The following IQCH variants were observed in gnomAD, a reference collection of about 807,000 sequenced individuals.
The protein encoded by IQCH is IQ motif containing H, also known as IQ domain-containing protein H.
IQCH carries 98 observed loss-of-function variants against 117.0 expected under a neutral mutation model. The observed-to-expected ratio is 0.84, with a 90% confidence interval of 0.71 to 0.99. IQCH has a LOEUF of 0.99. Among genes scored for constraint, IQCH ranks in the 50% least tolerant of loss-of-function variants. The probability of loss-of-function intolerance (pLI) is 0.00; values close to 1 mark genes in which losing one functional copy is unlikely to be tolerated. For synonymous variants in IQCH, 412 were observed against 448.2 expected (o/e 0.92, Z 1.02); for missense variants, 1,102 against 1,243.8 (o/e 0.89, Z 1.72).
chr15:67,367,126 G>A (rs1300019485), intron 8 of IQCH, among the ~76,000 whole-genome samples: 1 of 152,190 alleles, frequency 6.6e-6, no homozygotes, highest in Non-Finnish European at 1.5e-5. Flanking sequence ...GGCCACAGAG[G>A]AAGGTGGTAA....
intron 4 of IQCH, among the ~76,000 whole-genome samples, chr15:67,312,669 A>G (rs1056021578): frequency 2.6e-5 from 4 of 152,174 alleles, no homozygotes; most frequent in African/African-American, 9.6e-5. Flanking sequence ...AAGGAGGAAA[A>G]TAGAGCAGCT....
At chr15:67,285,904 G>A (rs528313109) in intron 4 of IQCH, among the ~76,000 whole-genome samples, 2 of 152,258 alleles carry the variant, frequency 1.3e-5, no homozygotes, top group East Asian at 3.9e-4. Context: ...GCTCAGGATA[G>A]CTTTGGCTAT....
At chr15:67,345,622 G>A (rs1969353840) in intron 6 of IQCH, among the ~76,000 whole-genome samples, 1 of 152,018 alleles carries the variant, frequency 6.6e-6, no homozygotes, top group Non-Finnish European at 1.5e-5. Flanking sequence ...CAAATTTCAG[G>A]CATTCTACAA....
intron 14 of IQCH, among the ~76,000 whole-genome samples, chr15:67,412,310 C>A (rs994067911): frequency 6.6e-6 from 1 of 152,184 alleles, no homozygotes; most frequent in African/African-American, 2.4e-5. Flanking sequence ...CTCTCTGAAA[C>A]ACTGATGTGG....
chr15:67,464,405 T>C (rs1378145037), intron 16 of IQCH, among the ~76,000 whole-genome samples: 11 of 152,264 alleles, frequency 7.2e-5, no homozygotes, highest in Admixed American at 7.2e-4. Flanking sequence ...CTCAGTTACC[T>C]AGCAGTTGAC....
At chr15:67,480,826 G>A (rs1365787142) in intron 18 of IQCH, among the ~76,000 whole-genome samples, 3 of 152,210 alleles carry the variant, frequency 2.0e-5, no homozygotes, top group East Asian at 3.9e-4. Context: ...AGCTCTAGGA[G>A]AAACAGTTGG....
At chr15:67,355,365 T>A (rs979204253) in intron 6 of IQCH, among the ~76,000 whole-genome samples, 2 of 151,900 alleles carry the variant, frequency 1.3e-5, no homozygotes, top group African/African-American at 4.8e-5. Flanking sequence ...GGTGGGTGGA[T>A]CACGAGATCA....
chr15:67,268,799 G>C (rs552461723), intron 3 of IQCH, among the ~76,000 whole-genome samples: 2 of 152,040 alleles, frequency 1.3e-5, no homozygotes, highest in Non-Finnish European at 2.9e-5. Context: ...AGAGGAGAGA[G>C]GGAGAAAGCA....
chr15:67,299,760 G>C (rs12148134), intron 4 of IQCH, among the ~76,000 whole-genome samples: 30,252 of 151,982 alleles, frequency 0.2, 3,779 homozygotes, highest in East Asian at 0.39. Flanking sequence ...CTGGAAGCTT[G>C]ATTGTATTCA....
Position 67,473,573 on chromosome 15 carries a change from CTT to C in IQCH, c.2677-2122_2677-2121del, listed in dbSNP as rs1284308358. ...TTAAATTACATACTTTGAAGAGTCT[CTT>C]AAGTCAGAGGGAAGAGCTATCCACC... is the stretch of plus-strand genomic sequence containing the variant. On this transcript the variant is annotated intron_variant, in intron 17 of 20. Transcript: ENST00000335894. This position sits in a 1 kb window ranked among gnomAD's most constrained non-coding sequence, Gnocchi z 4.9. 2.0e-5 allele frequency among the ~76,000 whole-genome samples: 3 copies of C among 152,220 alleles called. No homozygotes were observed. Among genetic ancestry groups the C allele is most frequent in the African/African-American group, 4.8e-5 (2 of 41,442 alleles).
At chr15:67,261,192 G>T in intron 1 of IQCH, 80 bp from the exon 2 acceptor site, 1 of 1,009,236 alleles carries the variant, frequency 9.9e-7, no homozygotes. Flanking sequence ...CAAGTACATT[G>T]CAAACCTTTA....
Position 67,359,696 on chromosome 15 carries a change from A to G in IQCH, c.715-151A>G, listed in dbSNP as rs1970050873. The G allele has an allele frequency of 6.9e-6, 5 of 722,614 alleles. No homozygotes were observed. Among genetic ancestry groups the G allele is most frequent in the African/African-American group, 1.8e-5 (1 of 55,616 alleles). 44.8% of individuals were successfully genotyped at this position (722,614 alleles called of 1,614,324 possible). A position where few individuals can be genotyped will look rare whatever the true frequency, so the allele number is the denominator to read the frequency against. On this transcript the variant is annotated intron_variant, in intron 7 of 20. Coordinates refer to ENST00000335894, the MANE Select transcript of IQCH (RefSeq NM_001031715.3). This position sits in a 1 kb window ranked among gnomAD's most constrained non-coding sequence, Gnocchi z 4.5. ...TGTCAGTGTGGGAAAGGTCTTTCTA[A>G]TTATTAGCTCCTGCCTGCGTGGAAA...
chr15:67,478,903 A>G (rs1162497803), intron 18 of IQCH, among the ~76,000 whole-genome samples: 1 of 152,004 alleles, frequency 6.6e-6, no homozygotes, highest in Non-Finnish European at 1.5e-5. Flanking sequence ...CAGCCTGGTG[A>G]CAGAGCAAGA....
intron 4 of IQCH, among the ~76,000 whole-genome samples, chr15:67,303,150 G>A (rs1404907504): frequency 6.6e-6 from 1 of 152,162 alleles, no homozygotes; most frequent in African/African-American, 2.4e-5. Flanking sequence ...CAGTTAGGTT[G>A]CTCACAATAC....
intron 5 of IQCH, among the ~76,000 whole-genome samples, chr15:67,343,503 T>G (rs1291932213): frequency 6.6e-6 from 1 of 152,250 alleles, no homozygotes; most frequent in African/African-American, 2.4e-5. Context: ...AATTGTAAAT[T>G]AGTTACATTA....
intron 4 of IQCH, among the ~76,000 whole-genome samples, chr15:67,331,809 C>A (rs552129540): frequency 1.2e-3 from 180 of 152,280 alleles, no homozygotes; most frequent in Non-Finnish European, 2.1e-3. Flanking sequence ...AAGCTGGCTC[C>A]TCTCCACACC....
rs1307196349 is a variant in IQCH, at chr15:67,282,773, C to G, written c.387+3261C>G. ...TTTTAAACCAGGTAAACCCCAGTCA[C>G]TTCTTTAAGCTCTCTCTCACCAAAA... On this transcript the variant is annotated intron_variant, in intron 4 of 20. Coordinates refer to ENST00000335894, the MANE Select transcript of IQCH (RefSeq NM_001031715.3). 2.6e-5 allele frequency among the ~76,000 whole-genome samples: 4 copies of G among 152,284 alleles called. No individual in the cohort carries two copies. In the East Asian group the frequency reaches 7.7e-4, roughly 29 times the overall value.
At chr15:67,276,312 C>G (rs963674184) in intron 3 of IQCH, among the ~76,000 whole-genome samples, 7 of 152,148 alleles carry the variant, frequency 4.6e-5, no homozygotes, top group African/African-American at 1.7e-4. Context: ...CTAAGTACAA[C>G]TAAAAACTTT....
intron 16 of IQCH, among the ~76,000 whole-genome samples, chr15:67,449,075 GT>G (rs2082458320): frequency 9.5e-6 from 1 of 105,294 alleles, no homozygotes. Flanking sequence ...GGGGTTGTTT[GT>G]TTTTTTCTTG....
Sources: gnomAD v4.1 joint callset for allele counts (sites outside exome capture counted in the v4.1 genomes callset) on GRCh38, gnomAD v4.1.1 for gene constraint, Gnocchi (gnomAD v3.1) non-coding constraint, MANE v1.5 for transcripts, NCBI Gene and HGNC (gene_info 2026-07-23, HGNC 2026-07-21) for gene names.